The following SEPTIN6 variants were observed in gnomAD, a reference collection of about 807,000 sequenced individuals.
SEPTIN6 encodes septin-6.
A neutral mutation model predicts 33.6 loss-of-function variants in SEPTIN6; 8 were observed. That is an observed-to-expected ratio of 0.24 (90% CI 0.14 to 0.43). The LOEUF (loss-of-function observed/expected upper bound fraction) is 0.43. Ranked by LOEUF, SEPTIN6 falls within the 20% of genes least tolerant of loss-of-function variation. The probability of loss-of-function intolerance (pLI) is 1.00; values close to 1 mark genes in which losing one functional copy is unlikely to be tolerated. For synonymous variants in SEPTIN6, 131 were observed against 140.0 expected, an observed-to-expected ratio of 0.94 and a Z score of 0.45; for missense variants, 250 against 340.8, an observed-to-expected ratio of 0.73 and a Z score of 2.10.
At chrX:119,643,613 T>TAA (rs1268570178) in intron 5 of SEPTIN6, among the ~76,000 whole-genome samples, 1 of 111,408 alleles carries the variant, frequency 9.0e-6, no homozygotes, top group Non-Finnish European at 1.9e-5. Flanking sequence ...TCTGCTTTGA[T>TAA]AAGTATATGC....
chrX:119,618,810 GGC>G lies in SEPTIN6; in HGVS notation c.*1281_*1282del. 8.3e-7 allele frequency: 1 copy of G among 1,209,472 alleles called. No homozygotes were observed. The highest frequency in any genetic ancestry group is 1.1e-6 in the Non-Finnish European group (1 of 894,289). On this transcript the variant is annotated 3_prime_UTR_variant, in exon 11 of 11. Coordinates refer to ENST00000394610, the MANE Select transcript of SEPTIN6 (RefSeq NM_145799.4). The stretch of plus-strand genomic sequence containing the variant: ...TACTGCAAAGGAAGGGCAGAGAGAC[GGC>G]ATGTTAGCCACAGATCATTGCCAGG...
intron 2 of SEPTIN6, among the ~76,000 whole-genome samples, chrX:119,673,991 G>C (rs1482520893): frequency 2.9e-5 from 3 of 103,897 alleles, no homozygotes; most frequent in Non-Finnish European, 5.9e-5. Context: ...AAAAATAAAA[G>C]GCAATTAGCA....
intron 3 of SEPTIN6, among the ~76,000 whole-genome samples, chrX:119,657,016 C>T (rs1484898398): frequency 9.1e-6 from 1 of 109,843 alleles, no homozygotes; most frequent in Non-Finnish European, 1.9e-5. Flanking sequence ...GTCAGGAGTT[C>T]GAGACCAGCC....
chrX:119,684,051 T>C (rs1398129100), intron 1 of SEPTIN6, among the ~76,000 whole-genome samples: 1 of 108,640 alleles, frequency 9.2e-6, no homozygotes, highest in African/African-American at 3.4e-5. Flanking sequence ...GCGATTCTCC[T>C]GCCTCAGCTT....
At chrX:119,661,041 CAAAAAA>C (rs58898121) in intron 3 of SEPTIN6, among the ~76,000 whole-genome samples, 5 of 9,517 alleles carry the variant, frequency 5.3e-4, no homozygotes, top group Admixed American at 1.8e-3. Context: ...GACTCCATCT[CAAAAAA>C]AAAAAAAAAA....
chrX:119,645,648 C>T (rs781025349), intron 5 of SEPTIN6, among the ~76,000 whole-genome samples: 2 of 111,148 alleles, frequency 1.8e-5, no homozygotes, highest in African/African-American at 3.3e-5. Context: ...CCACCCGCCT[C>T]GGCCTCCCAA....
At chrX:119,668,221 G>A (rs1353727992) in intron 2 of SEPTIN6, among the ~76,000 whole-genome samples, 8 of 110,573 alleles carry the variant, frequency 7.2e-5, no homozygotes, top group Non-Finnish European at 1.5e-4. Flanking sequence ...GTTTGAACCC[G>A]GGAGGCGGAG....
Position 119,637,035 on chromosome X carries a change from T to C in SEPTIN6, c.948A>G (p.Lys316=). 1 of 1,209,845 alleles carries C rather than the reference T, an allele frequency of 8.3e-7. No individual in the cohort carries two copies. Among genetic ancestry groups the C allele is most frequent in the Non-Finnish European group, 1.1e-6 (1 of 894,718 alleles). The change falls in exon 7 of 11, where the codon AAA becomes AAG. Residue 316 remains lysine, a synonymous_variant. Coordinates refer to ENST00000394610, the MANE Select transcript of SEPTIN6 (RefSeq NM_145799.4). ...GCTGGCAGGAGCGGTACCTGAAGGG[T>C]TTGCTGTCAGGGTCGGTGTCCTTGA... ...MGFKDTDPDS[K]PFSLQETYEA...
chrX:119,687,417 AT>A (rs1216934535), intron 1 of SEPTIN6, among the ~76,000 whole-genome samples: 2 of 109,606 alleles, frequency 1.8e-5, no homozygotes, highest in Admixed American at 9.8e-5. Context: ...CGCCCGGCTA[AT>A]TTTTTAATTT....
In SEPTIN6 at chrX:119,693,094, G is replaced by T; in HGVS notation, c.12C>A (p.Thr4=). ...CACTTACCACCTGGCGAGCTATATC[G>T]GTCGCTGCCATCGCTCCTGCGTCCG... MAA[T]DIARQVGEGC... Residue 4 remains threonine (T), a synonymous_variant, in exon 1 of 11, where the codon ACC becomes ACA. Coordinates refer to ENST00000394610, the MANE Select transcript of SEPTIN6 (RefSeq NM_145799.4). The T allele has an allele frequency of 8.5e-7, 1 of 1,172,003 alleles. No homozygotes were observed. Among genetic ancestry groups the T allele is most frequent in the South Asian group, 1.9e-5 (1 of 52,976 alleles).
chrX:119,676,116 C>T (rs772809707), intron 1 of SEPTIN6, among the ~76,000 whole-genome samples: 75 of 111,798 alleles, frequency 6.7e-4, no homozygotes, highest in African/African-American at 2.4e-3. Flanking sequence ...ATACATGTAA[C>T]GAGCTTAGTA....
chrX:119,667,044 C>G (rs1218083442), intron 2 of SEPTIN6, among the ~76,000 whole-genome samples: 1 of 111,114 alleles, frequency 9.0e-6, no homozygotes, highest in Non-Finnish European at 1.9e-5. Flanking sequence ...ATCCTTACCC[C>G]CAACTCCCTC....
intron 5 of SEPTIN6, among the ~76,000 whole-genome samples, chrX:119,649,233 T>C (rs903193447): frequency 6.7e-5 from 7 of 104,698 alleles, no homozygotes; most frequent in Admixed American, 6.2e-4. Context: ...GCTGGGATTA[T>C]AGGCGCACAC....
downstream of SEPTIN6, chrX:119,616,408 G>C: frequency 2.4e-6 from 1 of 423,519 alleles, no homozygotes; most frequent in Non-Finnish European, 4.4e-6. Context: ...TCCTGCCCCA[G>C]TCACTTACAC....
intron 7 of SEPTIN6, among the ~76,000 whole-genome samples, chrX:119,636,697 C>T (rs767696563): frequency 1.8e-5 from 2 of 111,853 alleles, no homozygotes; most frequent in South Asian, 3.7e-4. Flanking sequence ...TGGGGATTCC[C>T]CCCAGCGCAG....
chrX:119,643,306 C>G (rs2054186495), intron 5 of SEPTIN6, among the ~76,000 whole-genome samples: 1 of 109,738 alleles, frequency 9.1e-6, no homozygotes, highest in East Asian at 2.9e-4. Flanking sequence ...AAAGAAAAAC[C>G]ACGTTGTAGC....
chrX:119,653,491 G>C (rs182897513), intron 3 of SEPTIN6, among the ~76,000 whole-genome samples: 9 of 112,374 alleles, frequency 8.0e-5, no homozygotes, highest in Non-Finnish European at 1.7e-4. Flanking sequence ...TCTGTCCCTC[G>C]GGGGGCCCCA....
intron 1 of SEPTIN6, 81 bp from the exon 2 acceptor site, chrX:119,675,749 T>A: frequency 1.8e-6 from 1 of 561,095 alleles, no homozygotes; most frequent in East Asian, 4.4e-5. Flanking sequence ...AAATGTTCGC[T>A]GTGCAAGGAA....
At chrX:119,629,922 C>A (rs2053931063) in intron 8 of SEPTIN6, among the ~76,000 whole-genome samples, 1 of 111,328 alleles carries the variant, frequency 9.0e-6, no homozygotes, top group South Asian at 3.7e-4. Context: ...GTGTTCGACA[C>A]CAGCCTGGCC....
Sources: allele counts gnomAD v4.1 joint callset (sites outside exome capture counted in the v4.1 genomes callset), GRCh38; gene constraint gnomAD v4.1.1; transcripts MANE v1.5; gene names NCBI Gene and HGNC (gene_info 2026-07-23, HGNC 2026-07-21).